Variants in TASP1 observed in about 807,000 individuals in gnomAD.
TASP1 encodes threonine aspartase 1.
Under a neutral mutation model 56.6 loss-of-function variants are expected in TASP1, and 16 were observed. That is an observed-to-expected ratio of 0.28 (90% confidence interval 0.19 to 0.43). TASP1 has a LOEUF of 0.43. Among genes scored for constraint, TASP1 ranks in the 20% least tolerant of loss-of-function variants. TASP1 has a pLI of 1.00. For missense variants in TASP1, 393 were observed against 511.6 expected (o/e 0.77, Z 2.24); for synonymous variants, 179 against 184.2 (o/e 0.97, Z 0.23).
chr20:13,430,938 T>C (rs2042784675), intron 12 of TASP1, among the ~76,000 whole-genome samples: 1 of 152,182 alleles, frequency 6.6e-6, no homozygotes, highest in Non-Finnish European at 1.5e-5. Context: ...AAAGTCTACA[T>C]AACGGCTTCC....
the TASP1 span, among the ~76,000 whole-genome samples, chr20:13,185,330 C>T: frequency 6.6e-6 from 1 of 152,076 alleles, no homozygotes; most frequent in South Asian, 2.1e-4. Context: ...TCTCCCACCC[C>T]TCCCCCAAAT....
chr20:13,259,000 G>C, the TASP1 span, among the ~76,000 whole-genome samples: 1 of 152,096 alleles, frequency 6.6e-6, no homozygotes, highest in Admixed American at 6.5e-5. Flanking sequence ...TTAGGAATCT[G>C]GGCCGGGCGC....
At chr20:13,160,011 C>G in the TASP1 span, 9 of 1,602,332 alleles carry the variant, frequency 5.6e-6, no homozygotes, top group Middle Eastern at 1.7e-4. Flanking sequence ...AGGGCTTTTG[C>G]AAGGCATATG....
chr20:13,221,350 A>C, the TASP1 span, among the ~76,000 whole-genome samples: 1 of 141,722 alleles, frequency 7.1e-6, no homozygotes, highest in Non-Finnish European at 1.5e-5. Flanking sequence ...TGGGGCGCCC[A>C]TGTGCGCTCG....
At chr20:13,488,121 GGAAA>G (rs1272233847) in intron 10 of TASP1, among the ~76,000 whole-genome samples, 2 of 151,900 alleles carry the variant, frequency 1.3e-5, no homozygotes, top group Non-Finnish European at 2.9e-5. Context: ...TTGAAAGAGA[GGAAA>G]GAAAGAAGAA....
At chr20:13,180,485 C>T in the TASP1 span, among the ~76,000 whole-genome samples, 1 of 152,204 alleles carries the variant, frequency 6.6e-6, no homozygotes, top group Admixed American at 6.5e-5. Flanking sequence ...TACTGCCCAG[C>T]TTCTGCTTTC....
At chr20:13,413,627 A>C (rs911108261) in intron 13 of TASP1, among the ~76,000 whole-genome samples, 4 of 152,192 alleles carry the variant, frequency 2.6e-5, no homozygotes, top group African/African-American at 2.4e-5. Flanking sequence ...TTGGTTATAA[A>C]CCAAGGGTGA....
At chr20:13,393,729 G>A in intron 13 of TASP1, 1 of 811,696 alleles carries the variant, frequency 1.2e-6, no homozygotes, top group Non-Finnish European at 2.0e-6. Flanking sequence ...GAGGCCCTCA[G>A]CTGCTGGGAG....
At chr20:13,156,359 A>C in the TASP1 span, among the ~76,000 whole-genome samples, 2 of 152,216 alleles carry the variant, frequency 1.3e-5, no homozygotes, top group African/African-American at 2.4e-5. Context: ...AGTAGTGAAA[A>C]CAAATGCATG....
chr20:13,505,826 A>C (rs558474973), intron 10 of TASP1, among the ~76,000 whole-genome samples: 1 of 152,180 alleles, frequency 6.6e-6, no homozygotes, highest in South Asian at 2.1e-4. Flanking sequence ...TAAACAAACA[A>C]CCTAATTTTA....
chr20:13,588,269 G>GA (rs2047383325), intron 4 of TASP1, among the ~76,000 whole-genome samples: 1 of 115,502 alleles, frequency 8.7e-6, no homozygotes, highest in Admixed American at 8.8e-5. Context: ...AAGGAAGGAA[G>GA]GAAGGAAGGA....
At chr20:13,221,668 G>A in the TASP1 span, 2 of 982,134 alleles carry the variant, frequency 2.0e-6, no homozygotes, top group African/African-American at 1.7e-5. Context: ...CGGGAGCCGA[G>A]GCGGGAGCCG....
intron 11 of TASP1, among the ~76,000 whole-genome samples, chr20:13,478,317 C>G (rs1291266117): frequency 1.3e-5 from 2 of 150,916 alleles, no homozygotes; most frequent in East Asian, 3.9e-4. Flanking sequence ...ACTGAAGTGT[C>G]CATCAACAGA....
At chr20:13,283,899 G>A in the TASP1 span, among the ~76,000 whole-genome samples, 1 of 152,050 alleles carries the variant, frequency 6.6e-6, no homozygotes, top group African/African-American at 2.4e-5. Context: ...TTATGGCCAC[G>A]TAAGAGCGTA....
At chr20:13,625,157 G>GCA in intron 3 of TASP1, 28 bp downstream of exon 3, 1 of 1,529,258 alleles carries the variant, frequency 6.5e-7, no homozygotes, top group Non-Finnish European at 8.8e-7. Context: ...AAACTGCAAT[G>GCA]CACAGATCAT....
At chr20:13,421,580 A>T (rs1418664170) in intron 12 of TASP1, among the ~76,000 whole-genome samples, 1 of 152,226 alleles carries the variant, frequency 6.6e-6, no homozygotes, top group Non-Finnish European at 1.5e-5. Context: ...GCTCTAAAAC[A>T]TATGAAAAGA....
the TASP1 span, among the ~76,000 whole-genome samples, chr20:13,276,666 A>C: frequency 6.9e-6 from 1 of 144,402 alleles, no homozygotes; most frequent in African/African-American, 2.8e-5. Context: ...AGACTTTGTC[A>C]GTTTGGAAAT....
chr20:13,237,279 G>A, the TASP1 span, among the ~76,000 whole-genome samples: 2 of 152,148 alleles, frequency 1.3e-5, no homozygotes, highest in African/African-American at 4.8e-5. Flanking sequence ...TGCACTCAAA[G>A]ACCTAAAAAA....
chr20:13,567,739 G>C (rs1279065623), intron 7 of TASP1, among the ~76,000 whole-genome samples: 2 of 152,142 alleles, frequency 1.3e-5, no homozygotes, highest in Admixed American at 1.3e-4. Context: ...AAGGGAAACT[G>C]ATTTTCAGTC....
Sources: allele counts gnomAD v4.1 joint callset (sites outside exome capture counted in the v4.1 genomes callset), GRCh38; gene constraint gnomAD v4.1.1; transcripts MANE v1.5; gene names NCBI Gene and HGNC (gene_info 2026-07-23, HGNC 2026-07-21).